The following CCDC148 variants were observed in gnomAD, a reference collection of about 807,000 sequenced individuals.
CCDC148 encodes coiled-coil domain containing 148.
CCDC148 carries 89 observed loss-of-function variants against 85.7 expected under a neutral mutation model. The ratio of observed to expected loss-of-function variants is 1.04; its 90% confidence interval spans 0.87 to 1.24. The LOEUF (loss-of-function observed/expected upper bound fraction) is 1.24, where lower values mean the gene tolerates loss of function less well. Among genes scored for constraint, CCDC148 ranks in the 50% most tolerant of loss-of-function variants. CCDC148 has a pLI of 0.00. For missense variants in CCDC148, 692 were observed against 671.7 expected (o/e 1.03, Z -0.33); for synonymous variants, 230 against 213.9 (o/e 1.08, Z -0.66).
chr2:158,378,108 A>G (rs72942367), intron 1 of CCDC148, among the ~76,000 whole-genome samples: 1,924 of 152,256 alleles, frequency 0.013, 19 homozygotes, highest in Non-Finnish European at 0.02. Context: ...CTCTTGTGCC[A>G]GTTAGCCAAG....
chr2:158,411,217 C>A (rs1686244996), intron 1 of CCDC148, among the ~76,000 whole-genome samples: 1 of 152,144 alleles, frequency 6.6e-6, no homozygotes, highest in Admixed American at 6.6e-5. Context: ...ATCTGGACAT[C>A]TATTTCCTAT....
Position 158,401,085 on chromosome 2 carries a change from G to A in CCDC148, c.26-42515C>T, listed in dbSNP as rs577219125. ...GGAGAGGATGTGGAGAAATAGGAAC[G>A]CTTTTACACTGTTGGTGGGAGTGTA... On this transcript the variant is annotated intron_variant, in intron 1 of 13. Coordinates refer to ENST00000283233, the MANE Select transcript of CCDC148 (RefSeq NM_138803.4). Among the ~76,000 whole-genome samples, 59 of 152,190 alleles carry A rather than the reference G, an allele frequency of 3.9e-4. 1 individual carries two copies. In the South Asian group the frequency reaches 0.012, roughly 31 times the overall value.
At chr2:158,295,819 C>T (rs1691159444) in intron 9 of CCDC148, among the ~76,000 whole-genome samples, 1 of 151,254 alleles carries the variant, frequency 6.6e-6, no homozygotes, top group South Asian at 2.1e-4. Context: ...TGGCACAAGA[C>T]AGGGATGCCC....
At chr2:158,384,531 A>G (rs983161577) in intron 1 of CCDC148, among the ~76,000 whole-genome samples, 1 of 152,040 alleles carries the variant, frequency 6.6e-6, no homozygotes, top group African/African-American at 2.4e-5. Context: ...CTCCTTCTCC[A>G]GCCATGAGGA....
At chr2:158,309,293 A>G in intron 9 of CCDC148, 140 bp downstream of exon 9, 2 of 688,918 alleles carry the variant, frequency 2.9e-6, no homozygotes, top group Non-Finnish European at 4.8e-6. Context: ...GCAATTTTAT[A>G]CAGTTCAAAC....
intron 11 of CCDC148, among the ~76,000 whole-genome samples, chr2:158,179,496 G>T (rs1314105828): frequency 1.3e-5 from 2 of 151,924 alleles, no homozygotes; most frequent in African/African-American, 4.8e-5. Context: ...GTAAAATTCA[G>T]TTCATCTCAT....
intron 1 of CCDC148, among the ~76,000 whole-genome samples, chr2:158,407,626 A>T (rs1250331685): frequency 6.6e-6 from 1 of 152,180 alleles, no homozygotes; most frequent in East Asian, 1.9e-4. Context: ...AGCATCCGGC[A>T]AGAAAAAAAG....
At chr2:158,195,516 C>T (rs1407064738) in intron 11 of CCDC148, among the ~76,000 whole-genome samples, 1 of 152,126 alleles carries the variant, frequency 6.6e-6, no homozygotes, top group Admixed American at 6.6e-5. Context: ...ATACTTCCTG[C>T]TCCTTCTCTG....
chr2:158,311,279 G>C (rs555238622), intron 8 of CCDC148, among the ~76,000 whole-genome samples: 1 of 152,218 alleles, frequency 6.6e-6, no homozygotes, highest in Non-Finnish European at 1.5e-5. Context: ...AGACCAGCCC[G>C]GCCAACACGG....
At position 158,338,976 on chromosome 2, in the gene CCDC148, C is replaced by T. The variant is rs557543093; in HGVS notation, c.582+14G>A. On this transcript the variant is annotated intron_variant, in intron 6 of 13. Coordinates refer to ENST00000283233, the MANE Select transcript of CCDC148 (RefSeq NM_138803.4). ...ATTGATAAACACATAAATTATTAGCCACATCACACTTACCTTTATACTCCA... is the reference window on the plus strand; with the variant it reads ...ATTGATAAACACATAAATTATTAGCTACATCACACTTACCTTTATACTCCA... 1 of 1,605,710 alleles carries T rather than the reference C, an allele frequency of 6.2e-7. No homozygotes were observed. The highest frequency in any genetic ancestry group is 1.1e-5 in the South Asian group (1 of 89,920).
chr2:158,395,103 C>CA (rs991410462), intron 1 of CCDC148, among the ~76,000 whole-genome samples: 60 of 151,166 alleles, frequency 4.0e-4, no homozygotes, highest in Admixed American at 1.9e-3. Flanking sequence ...AATTCACAGC[C>CA]AAAAAAAATG....
chr2:158,233,346 TA>T (rs146116775), intron 10 of CCDC148, among the ~76,000 whole-genome samples: 4,094 of 152,088 alleles, frequency 0.027, 172 homozygotes, highest in African/African-American at 0.088. Flanking sequence ...CTGTACCCCC[TA>T]AAATCACCAC....
intron 7 of CCDC148, among the ~76,000 whole-genome samples, chr2:158,331,702 C>T (rs1203164141): frequency 3.3e-5 from 5 of 152,170 alleles, no homozygotes; most frequent in Admixed American, 2.6e-4. Flanking sequence ...GTATTGGGTG[C>T]ACATATATTT....
At chr2:158,218,282 A>C (rs2105299435) in intron 11 of CCDC148, among the ~76,000 whole-genome samples, 2 of 152,310 alleles carry the variant, frequency 1.3e-5, no homozygotes, top group Middle Eastern at 6.8e-3. Context: ...CAGAGGACAA[A>C]ACAGAGCCTG....
intron 2 of CCDC148, among the ~76,000 whole-genome samples, chr2:158,351,443 G>A (rs1465326844): frequency 3.0e-5 from 4 of 135,256 alleles, no homozygotes; most frequent in Non-Finnish European, 6.3e-5. Context: ...GGGTCAGGGA[G>A]TTCCCTTTCC....
intron 8 of CCDC148, among the ~76,000 whole-genome samples, chr2:158,312,578 C>CA (rs61545122): frequency 0.041 from 3,116 of 75,792 alleles, 93 homozygotes; most frequent in African/African-American, 0.086. Flanking sequence ...GAATCCATCT[C>CA]AAAAAAAAAA....
intron 9 of CCDC148, among the ~76,000 whole-genome samples, chr2:158,279,658 C>T (rs895473685): frequency 1.3e-5 from 2 of 152,166 alleles, no homozygotes; most frequent in Non-Finnish European, 2.9e-5. Context: ...GATTGGTGTA[C>T]CTGAAAGTGA....
intron 9 of CCDC148, among the ~76,000 whole-genome samples, chr2:158,305,356 G>C (rs1352924188): frequency 6.6e-6 from 1 of 152,190 alleles, no homozygotes; most frequent in Non-Finnish European, 1.5e-5. Flanking sequence ...AGGGACACAG[G>C]CCCTGCCTGA....
At chr2:158,172,543 T>C (rs1473473611) in intron 13 of CCDC148, among the ~76,000 whole-genome samples, 1 of 152,064 alleles carries the variant, frequency 6.6e-6, no homozygotes, top group Non-Finnish European at 1.5e-5. Context: ...TAAAAGAAGC[T>C]TACTTTCAGT....
Sources: allele counts gnomAD v4.1 joint callset (sites outside exome capture counted in the v4.1 genomes callset), GRCh38; gene constraint gnomAD v4.1.1; transcripts MANE v1.5; gene names NCBI Gene and HGNC (gene_info 2026-07-23, HGNC 2026-07-21).